Variants in AP3B1 observed in about 807,000 individuals in gnomAD.
AP3B1 encodes AP-3 complex subunit beta-1.
AP3B1 carries 61 observed loss-of-function variants against 132.5 expected under a neutral mutation model. The ratio of observed to expected loss-of-function variants is 0.46; its 90% CI spans 0.37 to 0.57. The LOEUF (loss-of-function observed/expected upper bound fraction) is 0.57. AP3B1 is among the 20% of genes least tolerant of loss of function. AP3B1 has a pLI of 0.00. For synonymous variants in AP3B1, 388 were observed against 438.3 expected (o/e 0.89, Z 1.43); for missense variants, 1,120 against 1,289.4 (o/e 0.87, Z 2.01).
intron 7 of AP3B1, among the ~76,000 whole-genome samples, chr5:78,183,224 G>C (rs1433325729): frequency 6.6e-6 from 1 of 152,142 alleles, no homozygotes; most frequent in Non-Finnish European, 1.5e-5. Flanking sequence ...GATAAGCAGG[G>C]AATCCGGACT....
At chr5:78,050,261 C>T (rs1183851127) in intron 22 of AP3B1, among the ~76,000 whole-genome samples, 2 of 152,142 alleles carry the variant, frequency 1.3e-5, no homozygotes, top group Non-Finnish European at 2.9e-5. Flanking sequence ...ACACTTAATA[C>T]CTTCTCTAAC....
rs189045838 is a variant in AP3B1 at position 78,269,575 on chromosome 5, A to G, written c.129-1980T>C. Among the ~76,000 whole-genome samples, 4 of 152,264 alleles carry G rather than the reference A, an allele frequency of 2.6e-5. No individual in the cohort carries two copies. In the East Asian group the frequency reaches 5.8e-4, roughly 22 times the overall value. On this transcript the variant is annotated intron_variant, in intron 1 of 26. Transcript: ENST00000255194. ...TGTAAATTACCTCTCTTTTTAATCA[A>G]TCTATAATCCATAACTCATTAAAAC...
chr5:78,270,203 C>G (rs1748492950), intron 1 of AP3B1, among the ~76,000 whole-genome samples: 1 of 151,986 alleles, frequency 6.6e-6, no homozygotes, highest in Non-Finnish European at 1.5e-5. Context: ...TGAGCCACCA[C>G]GCCTGGCCCA....
chr5:78,153,295 G>A (rs147384018), intron 14 of AP3B1, among the ~76,000 whole-genome samples: 173 of 152,062 alleles, frequency 1.1e-3, no homozygotes, highest in African/African-American at 4.1e-3. Flanking sequence ...TAATGACCTT[G>A]TCTCTTCCTA....
At chr5:78,052,041 T>C (rs1190663914) in intron 22 of AP3B1, among the ~76,000 whole-genome samples, 2 of 151,376 alleles carry the variant, frequency 1.3e-5, no homozygotes, top group African/African-American at 2.5e-5. Context: ...ACGGCAAATT[T>C]GGTTAACTCT....
chr5:78,038,974 T>G, intron 23 of AP3B1, 69 bp downstream of exon 23: 1 of 941,748 alleles, frequency 1.1e-6, no homozygotes, highest in South Asian at 1.5e-5. Context: ...AGTATTCTAC[T>G]TTACTTTTAA....
At chr5:78,107,135 C>G (rs916751426) in intron 20 of AP3B1, among the ~76,000 whole-genome samples, 1 of 152,136 alleles carries the variant, frequency 6.6e-6, no homozygotes, top group Non-Finnish European at 1.5e-5. Context: ...TCAACATTCA[C>G]ACTTGGGTGT....
rs759279977 is a variant in AP3B1 at position 78,217,507 on chromosome 5, A to G, written c.604-1270T>C. ...TGTGTGAACTATATAAAAATGTATT[A>G]TATATATAATTTTCTATTTGTTATA... On this transcript the variant is annotated intron_variant, in intron 6 of 26. Transcript: ENST00000255194. Among the ~76,000 whole-genome samples the G allele has an allele frequency of 2.0e-4, 30 of 152,060 alleles. 1 individual carries two copies. Among genetic ancestry groups the G allele is most frequent in the Non-Finnish European group, 8.8e-5 (6 of 68,000 alleles).
intron 6 of AP3B1, among the ~76,000 whole-genome samples, chr5:78,223,715 G>A (rs1746285028): frequency 6.6e-6 from 1 of 152,006 alleles, no homozygotes; most frequent in Non-Finnish European, 1.5e-5. Context: ...TCTTTCTCTC[G>A]ACACAAACAG....
intron 5 of AP3B1, 127 bp from the exon 6 acceptor site, chr5:78,225,735 T>C (rs1746374107): frequency 1.6e-6 from 1 of 614,940 alleles, no homozygotes; most frequent in Non-Finnish European, 2.9e-6. Context: ...AAGTTAGAAA[T>C]AAAGAAAAAC....
intron 13 of AP3B1, among the ~76,000 whole-genome samples, chr5:78,158,191 A>T (rs1373839512): frequency 6.6e-6 from 1 of 152,196 alleles, no homozygotes; most frequent in Non-Finnish European, 1.5e-5. Context: ...ACTAATATTG[A>T]CTGGGCACAG....
intron 2 of AP3B1, among the ~76,000 whole-genome samples, chr5:78,242,711 C>T (rs1747194414): frequency 1.3e-5 from 2 of 151,922 alleles, no homozygotes. Flanking sequence ...GCAGCCTCCT[C>T]TAGAATATTT....
chr5:78,130,928 T>C (rs1003080753), intron 15 of AP3B1, among the ~76,000 whole-genome samples: 6 of 151,964 alleles, frequency 3.9e-5, no homozygotes, highest in Non-Finnish European at 8.8e-5. Context: ...AATTAATTTT[T>C]AGGAAATTAA....
chr5:78,174,412 T>C (rs1273609802), intron 11 of AP3B1, among the ~76,000 whole-genome samples: 2 of 152,260 alleles, frequency 1.3e-5, no homozygotes, highest in Non-Finnish European at 2.9e-5. Flanking sequence ...TATTCCTTTC[T>C]GTTTGTTAGT....
intron 22 of AP3B1, among the ~76,000 whole-genome samples, chr5:78,054,276 G>A (rs1419947128): frequency 6.6e-6 from 1 of 152,156 alleles, no homozygotes; most frequent in Non-Finnish European, 1.5e-5. Flanking sequence ...TATGAACACT[G>A]CAGTTCCCCA....
intron 22 of AP3B1, among the ~76,000 whole-genome samples, chr5:78,085,603 T>C (rs1750208840): frequency 2.0e-5 from 3 of 152,164 alleles, no homozygotes; most frequent in Admixed American, 2.0e-4. Context: ...AAATTAATTT[T>C]TCCAGTTCTA....
At position 78,107,849 on chromosome 5, in the gene AP3B1, G is replaced by T. The variant is rs886159403; in HGVS notation, c.2397+2358C>A. On this transcript the variant is annotated intron_variant, in intron 20 of 26. Coordinates refer to ENST00000255194, the MANE Select transcript of AP3B1 (RefSeq NM_003664.5). ...TTAGCATTTGATGTTCTCCAATACT[G>T]TTGATCTTTTATGGAATTTTTAAAA... Among the ~76,000 whole-genome samples the T allele has an allele frequency of 3.3e-5, 5 of 152,128 alleles. No homozygotes were observed. In the South Asian group the frequency reaches 1.0e-3, roughly 31 times the overall value.
At chr5:78,087,564 C>T (rs1750316067) in intron 22 of AP3B1, 2 of 985,348 alleles carry the variant, frequency 2.0e-6, no homozygotes, top group Non-Finnish European at 2.4e-6. Flanking sequence ...CTTGTTTGAT[C>T]ATTTTGTTAG....
At chr5:78,172,011 C>T (rs1342897986) in intron 11 of AP3B1, among the ~76,000 whole-genome samples, 4 of 152,204 alleles carry the variant, frequency 2.6e-5, no homozygotes, top group South Asian at 2.1e-4. Flanking sequence ...TGGTTTTTGT[C>T]GTTGGTTCTG....
Sources: gnomAD v4.1 joint callset for allele counts (sites outside exome capture counted in the v4.1 genomes callset) on GRCh38, gnomAD v4.1.1 for gene constraint, MANE v1.5 for transcripts, NCBI Gene and HGNC (gene_info 2026-07-23, HGNC 2026-07-21) for gene names.